EBF1: variants seen among roughly 807,000 people sequenced by gnomAD.
The protein encoded by EBF1 is EBF transcription factor 1.
A neutral mutation model predicts 68.4 loss-of-function variants in EBF1; 10 were observed. The ratio of observed to expected loss-of-function variants is 0.15; its 90% CI spans 0.09 to 0.25. The LOEUF (loss-of-function observed/expected upper bound fraction) is 0.25. EBF1 is among the 10% of genes least tolerant of loss of function. The pLI, the probability that EBF1 is intolerant of heterozygous loss-of-function variation, is 1.00. For missense variants in EBF1, 509 were observed against 794.4 expected, an observed-to-expected ratio of 0.64 and a Z score of 4.32; for synonymous variants, 298 against 299.8, an observed-to-expected ratio of 0.99 and a Z score of 0.06.
At chr5:158,766,761 GAACT>G (rs1347930541) in intron 10 of EBF1, among the ~76,000 whole-genome samples, 5 of 152,118 alleles carry the variant, frequency 3.3e-5, no homozygotes, top group Non-Finnish European at 5.9e-5. Context: ...GGGAGAATTT[GAACT>G]AACAGAGGAA....
At chr5:158,795,445 C>T (rs939181737) in intron 9 of EBF1, among the ~76,000 whole-genome samples, 1 of 152,176 alleles carries the variant, frequency 6.6e-6, no homozygotes, top group African/African-American at 2.4e-5. Flanking sequence ...CATTGCCTAG[C>T]ATATGGTAAG....
chr5:159,038,161 C>T (rs1770462625), intron 6 of EBF1, among the ~76,000 whole-genome samples: 1 of 152,174 alleles, frequency 6.6e-6, no homozygotes, highest in Non-Finnish European at 1.5e-5. Flanking sequence ...AGTCCTTTCT[C>T]CCTAAACTCA....
intron 6 of EBF1, among the ~76,000 whole-genome samples, chr5:158,948,270 G>A (rs562859617): frequency 1.8e-4 from 28 of 152,212 alleles, no homozygotes; most frequent in African/African-American, 6.7e-4. Flanking sequence ...AGGCCCGAGG[G>A]CAGGCCAATG....
intron 7 of EBF1, among the ~76,000 whole-genome samples, chr5:158,832,203 C>A (rs920375769): frequency 6.6e-6 from 1 of 152,174 alleles, no homozygotes; most frequent in Non-Finnish European, 1.5e-5. Context: ...CCTTTAAAAG[C>A]AGCTGTGTTT....
At chr5:158,749,244 T>C (rs1001099967) in intron 10 of EBF1, among the ~76,000 whole-genome samples, 2 of 152,192 alleles carry the variant, frequency 1.3e-5, no homozygotes, top group African/African-American at 2.4e-5. Context: ...ATTTAAGTTC[T>C]TTCTGAATTT....
chr5:158,702,154 G>T (rs1756898728), intron 15 of EBF1, among the ~76,000 whole-genome samples: 1 of 152,176 alleles, frequency 6.6e-6, no homozygotes, highest in African/African-American at 2.4e-5. Context: ...TGGCCTCTGA[G>T]CCTAGATACC....
intron 6 of EBF1, among the ~76,000 whole-genome samples, chr5:158,951,932 C>T (rs1055066041): frequency 1.3e-5 from 2 of 152,156 alleles, no homozygotes; most frequent in African/African-American, 2.4e-5. Context: ...AGTCATCCCA[C>T]CCACTAAAAG....
chr5:158,987,545 G>A (rs911868157), intron 6 of EBF1, among the ~76,000 whole-genome samples: 2 of 152,188 alleles, frequency 1.3e-5, no homozygotes, highest in Non-Finnish European at 2.9e-5. Context: ...AGAGAATGAA[G>A]GCAGGAAAAG....
chr5:159,078,250 T>C (rs923531346), intron 5 of EBF1, among the ~76,000 whole-genome samples: 1 of 152,104 alleles, frequency 6.6e-6, no homozygotes, highest in Non-Finnish European at 1.5e-5. Flanking sequence ...CTGCCCATAG[T>C]TCTTTCTGCT....
chr5:158,762,726 G>A (rs1294747206), intron 10 of EBF1, among the ~76,000 whole-genome samples: 3 of 152,064 alleles, frequency 2.0e-5, no homozygotes, highest in Non-Finnish European at 2.9e-5. Flanking sequence ...TAGTAGAGAC[G>A]GGGTTTCACC....
At chr5:158,762,317 T>C (rs560249763) in intron 10 of EBF1, among the ~76,000 whole-genome samples, 9 of 152,280 alleles carry the variant, frequency 5.9e-5, no homozygotes, top group African/African-American at 2.2e-4. Flanking sequence ...TACCCTTAAT[T>C]AGCTGCAGTT....
chr5:158,941,599 A>T (rs1165657629), intron 6 of EBF1, among the ~76,000 whole-genome samples: 1 of 152,178 alleles, frequency 6.6e-6, no homozygotes, highest in Non-Finnish European at 1.5e-5. Context: ...AGAACCCAAG[A>T]TCTTAACCAT....
chr5:158,742,635 G>C (rs1444336140), intron 10 of EBF1, among the ~76,000 whole-genome samples: 1 of 152,184 alleles, frequency 6.6e-6, no homozygotes, highest in Non-Finnish European at 1.5e-5. Flanking sequence ...AAACAGTGTG[G>C]CAAATACAAC....
intron 6 of EBF1, among the ~76,000 whole-genome samples, chr5:158,940,173 G>A (rs943033483): frequency 6.6e-6 from 1 of 152,164 alleles, no homozygotes; most frequent in Non-Finnish European, 1.5e-5. Flanking sequence ...GAACCACAAA[G>A]CAACTAGCCA....
chr5:158,759,988 C>T (rs1246262129), intron 10 of EBF1, among the ~76,000 whole-genome samples: 1 of 152,128 alleles, frequency 6.6e-6, no homozygotes, highest in African/African-American at 2.4e-5. Context: ...GTAAGATCAT[C>T]TTAAAGTCTG....
At chr5:158,725,760 A>G (rs1046539993) in intron 11 of EBF1, among the ~76,000 whole-genome samples, 1 of 152,172 alleles carries the variant, frequency 6.6e-6, no homozygotes, top group African/African-American at 2.4e-5. Context: ...AACCCGGGTG[A>G]GAGATTCCGG....
chr5:158,912,333 C>G (rs1583106114), intron 6 of EBF1, among the ~76,000 whole-genome samples: 1 of 152,248 alleles, frequency 6.6e-6, no homozygotes, highest in African/African-American at 2.4e-5. Context: ...TAATCCAGAG[C>G]TTTGCCCAAT....
At chr5:158,909,289 G>T (rs1202321361) in intron 6 of EBF1, among the ~76,000 whole-genome samples, 1 of 152,150 alleles carries the variant, frequency 6.6e-6, no homozygotes, top group East Asian at 1.9e-4. Context: ...TGGTTTGTCT[G>T]TTTGGATTTT....
intron 6 of EBF1, among the ~76,000 whole-genome samples, chr5:158,954,669 A>G (rs1816697056): frequency 6.6e-6 from 1 of 152,212 alleles, no homozygotes. Context: ...CAATGCGGTC[A>G]GTAGCGTGGC....
Sources: gnomAD v4.1 joint callset for allele counts (sites outside exome capture counted in the v4.1 genomes callset) on GRCh38, gnomAD v4.1.1 for gene constraint, MANE v1.5 for transcripts, NCBI Gene and HGNC (gene_info 2026-07-23, HGNC 2026-07-21) for gene names.